The following FMN1 variants were observed in gnomAD, a reference collection of about 807,000 sequenced individuals.
The protein encoded by FMN1 is formin-1.
A neutral mutation model predicts 132.4 loss-of-function variants in FMN1; 110 were observed. That is an observed-to-expected ratio of 0.83 (90% CI 0.71 to 0.97). The LOEUF (loss-of-function observed/expected upper bound fraction) is 0.97, where lower values mean the gene tolerates loss of function less well. Among genes scored for constraint, FMN1 ranks in the 50% least tolerant of loss-of-function variants. FMN1 has a pLI of 0.00. For missense variants in FMN1, 1,792 were observed against 1,705.3 expected (o/e 1.05, Z -0.90); for synonymous variants, 722 against 651.7 (o/e 1.11, Z -1.64).
intron 17 of FMN1, among the ~76,000 whole-genome samples, chr15:32,847,582 T>C (rs940555105): frequency 1.3e-5 from 2 of 151,604 alleles, no homozygotes; most frequent in South Asian, 2.1e-4. Context: ...AGGCCGGGCG[T>C]GGTGGCTCAT....
intron 17 of FMN1, among the ~76,000 whole-genome samples, chr15:32,836,050 G>A (rs148810918): frequency 2.6e-3 from 396 of 152,012 alleles, no homozygotes; most frequent in African/African-American, 9.1e-3. Flanking sequence ...TTTGTAGGAT[G>A]TGGCCTCCCT....
intron 6 of FMN1, among the ~76,000 whole-genome samples, chr15:33,011,421 T>G (rs1267360127): frequency 6.6e-6 from 1 of 152,042 alleles, no homozygotes; most frequent in East Asian, 1.9e-4. Flanking sequence ...TAGAAGTCAA[T>G]TAAGTGCTAA....
intron 17 of FMN1, among the ~76,000 whole-genome samples, chr15:32,846,895 T>TC (rs1567263321): frequency 1.3e-5 from 2 of 152,202 alleles, no homozygotes; most frequent in African/African-American, 2.4e-5. Flanking sequence ...AAGGATGAGT[T>TC]CATGTCCTCC....
At chr15:32,976,258 C>T (rs1328623300) in intron 7 of FMN1, among the ~76,000 whole-genome samples, 2 of 152,078 alleles carry the variant, frequency 1.3e-5, no homozygotes, top group East Asian at 3.9e-4. Context: ...AAAGCTTTGT[C>T]ACCTCTGAAA....
At chr15:32,825,952 G>C (rs1215747931) in intron 17 of FMN1, among the ~76,000 whole-genome samples, 1 of 152,216 alleles carries the variant, frequency 6.6e-6, no homozygotes, top group Non-Finnish European at 1.5e-5. Context: ...TATAAAATCA[G>C]TGTGCGAGAT....
In FMN1 at chr15:33,067,552, T is replaced by C. The variant is rs770898793; in HGVS notation, c.2044-2478A>G. 2.5e-6 allele frequency: 4 copies of C among 1,613,956 alleles called. No individual in the cohort carries two copies. In the South Asian group the frequency reaches 4.4e-5, roughly 18 times the overall value. On this transcript the variant is annotated intron_variant, in intron 5 of 20. Coordinates refer to ENST00000616417, the MANE Select transcript of FMN1 (RefSeq NM_001277313.2). ...CTTGAGCAAGGAGAGATGTCCCTGC[T>C]TCTTTTCTCTGACTTCCCTCTGATT...
intron 17 of FMN1, among the ~76,000 whole-genome samples, chr15:32,815,005 C>T (rs980177746): frequency 2.6e-5 from 4 of 152,030 alleles, no homozygotes; most frequent in East Asian, 1.9e-4. Context: ...TGCAGTGGTG[C>T]GATCTCGGCT....
chr15:32,781,074 TA>T (rs2056646585), intron 19 of FMN1, among the ~76,000 whole-genome samples: 1 of 152,210 alleles, frequency 6.6e-6, no homozygotes, highest in Admixed American at 6.5e-5. Flanking sequence ...TTTTTAAACT[TA>T]AAATCTTAAA....
intron 4 of FMN1, among the ~76,000 whole-genome samples, chr15:33,120,202 T>C (rs1404598681): frequency 6.6e-6 from 1 of 152,220 alleles, no homozygotes; most frequent in African/African-American, 2.4e-5. Flanking sequence ...AGAAATAATC[T>C]GTTCTTTTGC....
intron 16 of FMN1, among the ~76,000 whole-genome samples, chr15:32,866,516 T>C (rs2059397050): frequency 6.6e-6 from 1 of 152,214 alleles, no homozygotes; most frequent in South Asian, 2.1e-4. Context: ...TTATTCTTTG[T>C]TTCCAAGAAG....
intron 4 of FMN1, among the ~76,000 whole-genome samples, chr15:33,130,446 G>T (rs1248716806): frequency 6.6e-6 from 1 of 152,204 alleles, no homozygotes; most frequent in Non-Finnish European, 1.5e-5. Context: ...CTGCACTGTA[G>T]TTTATTATAG....
intron 7 of FMN1, among the ~76,000 whole-genome samples, chr15:32,984,978 C>CAAAAAAAAAAAA (rs11330959): frequency 4.0e-4 from 39 of 97,236 alleles, no homozygotes; most frequent in African/African-American, 8.5e-4. Context: ...CATCCATCAC[C>CAAAAAAAAAAAA]AAAAAAAAAA....
At chr15:33,066,800 T>G (rs1566884249) in intron 5 of FMN1, 1 of 1,613,980 alleles carries the variant, frequency 6.2e-7, no homozygotes, top group East Asian at 2.2e-5. Flanking sequence ...CGACTCAGGG[T>G]CTGCTCCCTT....
At chr15:33,130,280 G>A (rs971494319) in intron 4 of FMN1, among the ~76,000 whole-genome samples, 3 of 152,106 alleles carry the variant, frequency 2.0e-5, no homozygotes, top group Non-Finnish European at 2.9e-5. Flanking sequence ...GTGTTCAGAA[G>A]ACTGTACAGA....
chr15:32,926,791 A>G (rs2060972819), intron 9 of FMN1, among the ~76,000 whole-genome samples: 1 of 152,086 alleles, frequency 6.6e-6, no homozygotes, highest in African/African-American at 2.4e-5. Context: ...TATTTAGTCT[A>G]TATTTTATTT....
At chr15:32,804,561 C>T (rs1029486132) in intron 17 of FMN1, among the ~76,000 whole-genome samples, 6 of 149,950 alleles carry the variant, frequency 4.0e-5, no homozygotes, top group South Asian at 2.1e-4. Flanking sequence ...ATGTGCACTA[C>T]GTGCAGGTTT....
chr15:33,058,963 CT>C (rs1156575714), intron 6 of FMN1, among the ~76,000 whole-genome samples: 1 of 152,192 alleles, frequency 6.6e-6, no homozygotes, highest in African/African-American at 2.4e-5. Context: ...TATAATCACA[CT>C]GCTGTGCAAC....
chr15:32,860,276 AAAGG>A (rs2059239296), intron 16 of FMN1, among the ~76,000 whole-genome samples: 1 of 152,078 alleles, frequency 6.6e-6, no homozygotes, highest in Non-Finnish European at 1.5e-5. Flanking sequence ...GGAAAGAAAG[AAAGG>A]AAGAAAGGGA....
At chr15:32,785,218 A>ATATAT (rs1444523400) in intron 19 of FMN1, among the ~76,000 whole-genome samples, 9 of 39,206 alleles carry the variant, frequency 2.3e-4, no homozygotes, top group African/African-American at 4.8e-4. Flanking sequence ...ATATATATAT[A>ATATAT]TTTTTTTTTT....
Sources: gnomAD v4.1 joint callset for allele counts (sites outside exome capture counted in the v4.1 genomes callset) on GRCh38, gnomAD v4.1.1 for gene constraint, MANE v1.5 for transcripts, NCBI Gene and HGNC (gene_info 2026-07-23, HGNC 2026-07-21) for gene names.